Variants in XKR6 observed in about 807,000 individuals in gnomAD.
The protein encoded by XKR6 is XK related 6.
Under a neutral mutation model 56.7 loss-of-function variants are expected in XKR6, and 22 were observed. The observed-to-expected ratio is 0.39, with a 90% CI of 0.28 to 0.55. The LOEUF (loss-of-function observed/expected upper bound fraction) is 0.55. XKR6 is among the 20% of genes least tolerant of loss of function. XKR6 has a pLI of 0.66. For missense variants in XKR6, 852 were observed against 889.0 expected (o/e 0.96, Z 0.53); for synonymous variants, 524 against 387.8 (o/e 1.35, Z -4.13).
At chr8:11,105,181 C>T (rs1227680985) in intron 1 of XKR6, 1 of 152,042 alleles carries the variant, frequency 6.6e-6, no homozygotes, top group Non-Finnish European at 1.5e-5. Context: ...TTGCACGGTT[C>T]CAAGAAATAG....
chr8:10,908,650 C>A (rs1240342567), intron 2 of XKR6, among the ~76,000 whole-genome samples: 3 of 152,120 alleles, frequency 2.0e-5, no homozygotes, highest in Non-Finnish European at 4.4e-5. Flanking sequence ...CTCAGCCAGG[C>A]CCTCCCCGAC....
At chr8:11,030,261 G>A (rs1395193509) in intron 1 of XKR6, among the ~76,000 whole-genome samples, 2 of 152,082 alleles carry the variant, frequency 1.3e-5, no homozygotes, top group African/African-American at 2.4e-5. Context: ...TTTCCATCTG[G>A]GTGACAACAG....
At chr8:11,125,395 A>C (rs1360353373) in intron 1 of XKR6, among the ~76,000 whole-genome samples, 1 of 152,182 alleles carries the variant, frequency 6.6e-6, no homozygotes, top group Admixed American at 6.5e-5. Context: ...GATTTTAGGC[A>C]AAGGGGAGGG....
chr8:11,165,286 G>A (rs1000650085), intron 1 of XKR6, among the ~76,000 whole-genome samples: 1 of 151,876 alleles, frequency 6.6e-6, no homozygotes, highest in African/African-American at 2.4e-5. Context: ...TTTTAATAGA[G>A]ATGGGGTTTC....
intron 1 of XKR6, among the ~76,000 whole-genome samples, chr8:10,956,394 G>T (rs10096381): frequency 0.56 from 84,356 of 151,932 alleles, 25,520 homozygotes; most frequent in African/African-American, 0.79. Context: ...AGACCCATCT[G>T]CAGGATCTGC....
chr8:11,090,132 G>C (rs1279494701), intron 1 of XKR6, among the ~76,000 whole-genome samples: 1 of 152,154 alleles, frequency 6.6e-6, no homozygotes, highest in African/African-American at 2.4e-5. Context: ...CACCCAGGCT[G>C]GAGTGCAGTG....
intron 1 of XKR6, among the ~76,000 whole-genome samples, chr8:11,003,319 CA>C: frequency 1.3e-5 from 2 of 152,186 alleles, no homozygotes; most frequent in East Asian, 3.9e-4. Flanking sequence ...CCATCACCAC[CA>C]CCACCATCAT....
chr8:10,990,393 G>T (rs547440064), intron 1 of XKR6, among the ~76,000 whole-genome samples: 1 of 152,188 alleles, frequency 6.6e-6, no homozygotes, highest in Non-Finnish European at 1.5e-5. Context: ...ACCCATCGTG[G>T]CTGGGAGATT....
At chr8:10,991,547 G>C (rs767096338) in intron 1 of XKR6, among the ~76,000 whole-genome samples, 1 of 152,138 alleles carries the variant, frequency 6.6e-6, no homozygotes, top group Non-Finnish European at 1.5e-5. Flanking sequence ...GGTTGCCATA[G>C]GTCTTAACTT....
chr8:11,200,498 G>A lies in XKR6; in HGVS notation c.764+78C>T. 2.9e-6 allele frequency: 4 copies of A among 1,362,976 alleles called. No individual in the cohort carries two copies. The allele number at this position is 1,362,976 out of a possible 1,614,324, so 84.4% of individuals were successfully genotyped here. The stretch of plus-strand genomic sequence containing the variant: ...GCCCCCCGCGCTGGGCCCTTTCGAG[G>A]GGCCGCCCCGCGAAGCACCGGGAGG... On this transcript the variant is annotated intron_variant, in intron 1 of 2. Transcript: ENST00000416569. This position sits in a 1 kb window ranked among gnomAD's most constrained non-coding sequence, Gnocchi z 6.4.
intron 1 of XKR6, among the ~76,000 whole-genome samples, chr8:11,126,222 C>A (rs1311233157): frequency 6.6e-6 from 1 of 152,048 alleles, no homozygotes; most frequent in African/African-American, 2.4e-5. Context: ...GCGTGCACTA[C>A]CACGCCCGGC....
chr8:11,186,847 T>A (rs1217253119), intron 1 of XKR6, among the ~76,000 whole-genome samples: 3 of 152,246 alleles, frequency 2.0e-5, no homozygotes, highest in African/African-American at 7.2e-5. Context: ...ATTGTTGTTA[T>A]TAGAGCTATT....
intron 2 of XKR6, among the ~76,000 whole-genome samples, chr8:10,921,617 A>T (rs1800721211): frequency 6.6e-6 from 1 of 152,204 alleles, no homozygotes; most frequent in Non-Finnish European, 1.5e-5. Flanking sequence ...TGAAAAGATG[A>T]AGGTCCAAAA....
intron 1 of XKR6, among the ~76,000 whole-genome samples, chr8:11,118,777 T>G (rs1180465420): frequency 6.6e-6 from 1 of 152,214 alleles, no homozygotes; most frequent in Admixed American, 6.5e-5. Context: ...ATTCACTGAT[T>G]TTTTGAAGGG....
At chr8:11,039,779 G>A (rs995985894) in intron 1 of XKR6, among the ~76,000 whole-genome samples, 13 of 152,174 alleles carry the variant, frequency 8.5e-5, no homozygotes, top group African/African-American at 2.2e-4. Flanking sequence ...ATAAGTGCAC[G>A]TCCCGGCCCT....
chr8:11,148,514 T>C (rs1477357014), intron 1 of XKR6, among the ~76,000 whole-genome samples: 2 of 152,240 alleles, frequency 1.3e-5, no homozygotes, highest in African/African-American at 2.4e-5. Flanking sequence ...TTGTTTGTTA[T>C]GGCTGTGCTA....
chr8:11,011,040 T>A (rs541321052), intron 1 of XKR6, among the ~76,000 whole-genome samples: 2 of 152,326 alleles, frequency 1.3e-5, no homozygotes, highest in African/African-American at 4.8e-5. Flanking sequence ...TCAAGATTAT[T>A]ATTATCCCTG....
At chr8:11,033,417 GA>G (rs1227341956) in intron 1 of XKR6, among the ~76,000 whole-genome samples, 13 of 151,852 alleles carry the variant, frequency 8.6e-5, no homozygotes, top group African/African-American at 1.7e-4. Context: ...TGGTGATGAT[GA>G]TGATGATGAT....
chr8:10,914,791 G>A (rs1051746972), intron 2 of XKR6, among the ~76,000 whole-genome samples: 1 of 152,222 alleles, frequency 6.6e-6, no homozygotes, highest in African/African-American at 2.4e-5. Flanking sequence ...TGTGGAAGCA[G>A]AGGGCTCCCT....
Sources: allele counts gnomAD v4.1 joint callset (sites outside exome capture counted in the v4.1 genomes callset), GRCh38; gene constraint gnomAD v4.1.1; non-coding constraint Gnocchi (gnomAD v3.1); transcripts MANE v1.5; gene names NCBI Gene and HGNC (gene_info 2026-07-23, HGNC 2026-07-21).